The following CEP72 variants were observed in gnomAD, a reference collection of about 807,000 sequenced individuals.
CEP72 encodes centrosomal protein of 72 kDa.
CEP72 carries 78 observed loss-of-function variants against 65.7 expected under a neutral mutation model. That is an observed-to-expected ratio of 1.19 (90% CI 0.99 to 1.43). The LOEUF is 1.43. Among genes scored for constraint, CEP72 ranks in the 40% most tolerant of loss-of-function variants. The pLI is 0.00. For missense variants in CEP72, 914 were observed against 832.9 expected (o/e 1.10, Z -1.20); for synonymous variants, 358 against 351.7 (o/e 1.02, Z -0.20).
At chr5:641,022 C>A (rs1737978168) in intron 9 of CEP72, 4 of 985,420 alleles carry the variant, frequency 4.1e-6, no homozygotes, top group Non-Finnish European at 4.8e-6. Context: ...GGGCAAGTTA[C>A]CCCAAAACCA....
chr5:615,585 T>C (rs1007026545), intron 1 of CEP72, among the ~76,000 whole-genome samples: 2 of 152,254 alleles, frequency 1.3e-5, no homozygotes, highest in African/African-American at 4.8e-5. Flanking sequence ...TATCTTTATA[T>C]TTGAAATTAG....
the CEP72 span, among the ~76,000 whole-genome samples, chr5:674,991 G>A: frequency 1.2e-3 from 173 of 146,058 alleles, no homozygotes; most frequent in Non-Finnish European, 1.7e-3. Flanking sequence ...ATCTGTGGCC[G>A]GGGGAGCAGT....
At chr5:651,164 T>G (rs140420675) in intron 11 of CEP72, among the ~76,000 whole-genome samples, 4 of 47,100 alleles carry the variant, frequency 8.5e-5, no homozygotes, top group Admixed American at 2.7e-4. Context: ...GACTGTGAGG[T>G]GTGACTGTGA....
intron 4 of CEP72, among the ~76,000 whole-genome samples, chr5:633,388 T>C (rs56394026): frequency 1.2e-4 from 13 of 105,768 alleles, no homozygotes; most frequent in Admixed American, 2.0e-4. Flanking sequence ...TGTCCAGTGC[T>C]GGATTTGACC....
chr5:659,290 G>A (rs527430446), downstream of CEP72, among the ~76,000 whole-genome samples: 1 of 152,228 alleles, frequency 6.6e-6, no homozygotes, highest in Non-Finnish European at 1.5e-5. Context: ...ATCTCACAAA[G>A]TATTGATATA....
Position 666,129 on chromosome 5 carries a change from G to GGGGCACAGGCGACTTA in CEP72, n.592+35_592+50dup, listed in dbSNP as rs57043325. On this transcript the variant is annotated intron_variant and non_coding_transcript_variant, in intron 4 of 4. Coordinates refer to the CEP72 transcript ENST00000514507. ...TGGTCCGGCAAGACTTCCCTCTACA[G>GGGGCACAGGCGACTTA]GGGCACAGGCGACTTAGGGCTGGGC... The GGGGCACAGGCGACTTA allele has an allele frequency of 0.31, 496,328 of 1,605,486 alleles. 78,558 individuals are homozygous for GGGGCACAGGCGACTTA. The highest frequency in any genetic ancestry group is 0.39 in the Admixed American group (23,412 of 59,792).
intron 3 of CEP72, 105 bp downstream of exon 3, chr5:620,366 T>C (rs1736310071): frequency 2.0e-6 from 2 of 1,004,250 alleles, no homozygotes; most frequent in African/African-American, 1.6e-5. Context: ...GCTTGATTCC[T>C]TCTGGAACGG....
At chr5:625,769 T>C (rs1736713227) in intron 4 of CEP72, among the ~76,000 whole-genome samples, 1 of 152,002 alleles carries the variant, frequency 6.6e-6, no homozygotes, top group African/African-American at 2.4e-5. Flanking sequence ...CTGCTGGTGA[T>C]CTACGCAGCC....
intron 4 of CEP72, among the ~76,000 whole-genome samples, chr5:627,047 C>A (rs1334104583): frequency 6.6e-6 from 1 of 152,192 alleles, no homozygotes; most frequent in East Asian, 1.9e-4. Flanking sequence ...GTTAGGAAGT[C>A]ATCTCTCTGC....
intron 3 of CEP72, among the ~76,000 whole-genome samples, chr5:622,263 T>A (rs1164519767): frequency 6.6e-6 from 1 of 152,252 alleles, no homozygotes; most frequent in Non-Finnish European, 1.5e-5. Flanking sequence ...TGACCATTTT[T>A]CAGTAACTAA....
chr5:633,704 G>A, intron 4 of CEP72, 65 bp from the exon 5 acceptor site: 10 of 1,490,222 alleles, frequency 6.7e-6, no homozygotes, highest in Non-Finnish European at 8.4e-6. Flanking sequence ...TCCTTCTCCT[G>A]GTCTGCGTGG....
At chr5:669,356 A>G (rs540607495), downstream of CEP72, among the ~76,000 whole-genome samples, 7 of 152,210 alleles carry the variant, frequency 4.6e-5, no homozygotes, top group Non-Finnish European at 1.0e-4. Context: ...TAGCCCCTTG[A>G]CGCGCTCGGC....
chr5:641,603 C>G (rs980316091), intron 9 of CEP72: 2 of 983,442 alleles, frequency 2.0e-6, no homozygotes, highest in South Asian at 9.5e-5. Flanking sequence ...AGCCTCTGCA[C>G]GTGGCCTTCA....
In CEP72 at chr5:621,842, T is replaced by C. The variant is rs111610059; in HGVS notation, c.403+1581T>C. On this transcript the variant is annotated intron_variant, in intron 3 of 11. Transcript: ENST00000264935. Reference sequence around the variant, plus strand: ...AGGCTGGAGTGCAGTGGCGTGATCTTAGCTCACTGCAACCTCCGCCTCCCG... The same window carrying C: ...AGGCTGGAGTGCAGTGGCGTGATCTCAGCTCACTGCAACCTCCGCCTCCCG... Among the ~76,000 whole-genome samples the C allele has an allele frequency of 4.2e-3, 635 of 152,334 alleles. 5 individuals carry two copies. Among genetic ancestry groups the C allele is most frequent in the African/African-American group, 0.014 (593 of 41,586 alleles).
chr5:642,957 C>CAGG, intron 9 of CEP72: 2 of 985,494 alleles, frequency 2.0e-6, no homozygotes, highest in Non-Finnish European at 1.2e-6. Context: ...GCCCCACTTC[C>CAGG]AGCTGCTGTG....
chr5:643,634 G>T (rs1019044705), intron 9 of CEP72: 4 of 985,292 alleles, frequency 4.1e-6, no homozygotes, highest in Non-Finnish European at 4.8e-6. Context: ...CCGGCCCCAG[G>T]ATGTGCCTGC....
chr5:644,552 CG>C, intron 10 of CEP72, 127 bp downstream of exon 10: 1 of 1,099,638 alleles, frequency 9.1e-7, no homozygotes. Flanking sequence ...AGTGGGGAGC[CG>C]AGCCCCTGCC....
intron 9 of CEP72, chr5:642,392 C>G (rs369119408): frequency 6.1e-6 from 6 of 985,346 alleles, no homozygotes; most frequent in Non-Finnish European, 7.2e-6. Flanking sequence ...TGTGGCCCCC[C>G]GTCTGGAAGC....
At chr5:667,546 G>GA (rs1328757969), downstream of CEP72, among the ~76,000 whole-genome samples, 2 of 152,108 alleles carry the variant, frequency 1.3e-5, no homozygotes, top group South Asian at 2.1e-4. Context: ...GCCTATAGTG[G>GA]AAAAAATGGA....
Sources: gnomAD v4.1 joint callset for allele counts (sites outside exome capture counted in the v4.1 genomes callset) on GRCh38, gnomAD v4.1.1 for gene constraint, MANE v1.5 for transcripts, NCBI Gene and HGNC (gene_info 2026-07-23, HGNC 2026-07-21) for gene names.